DNAH12: variants seen among roughly 807,000 people sequenced by gnomAD.
DNAH12 encodes the protein dynein axonemal heavy chain 12.
DNAH12 carries 285 observed loss-of-function variants against 371.5 expected under a neutral mutation model. That is an observed-to-expected ratio of 0.77 (90% CI 0.70 to 0.85). The LOEUF is 0.85. Among genes scored for constraint, DNAH12 ranks in the 40% least tolerant of loss-of-function variants. The pLI is 0.00. For missense variants in DNAH12, 3,611 were observed against 3,689.4 expected (o/e 0.98, Z 0.55); for synonymous variants, 1,200 against 1,213.0 (o/e 0.99, Z 0.22).
rs1185384974 is a variant in DNAH12 at position 57,370,933 on chromosome 3, GA to G, written c.8760-2674del. On this transcript the variant is annotated intron_variant, in intron 55 of 73. Coordinates refer to ENST00000495027, the MANE Select transcript of DNAH12 (RefSeq NM_001366028.2). ...AAAAGGCTTAATGAAGTCACTGACA[GA>G]AAAATTTCAAGCCTATGCATAAAGA... Among the ~76,000 whole-genome samples the G allele has an allele frequency of 2.0e-5, 3 of 152,120 alleles. No individual in the cohort carries two copies. In the East Asian group the frequency reaches 5.8e-4, roughly 29 times the overall value.
At chr3:57,311,757 A>G (rs2061588760) in intron 66 of DNAH12, among the ~76,000 whole-genome samples, 1 of 152,240 alleles carries the variant, frequency 6.6e-6, no homozygotes, top group East Asian at 1.9e-4. Context: ...CTGGTTTAGG[A>G]GACTTTTCAC....
Position 57,301,716 on chromosome 3 carries a change from ACACACACACACAT to A in DNAH12, c.11394+6_11394+18del. The A allele has an allele frequency of 1.5e-6, 2 of 1,378,702 alleles. No individual in the cohort carries two copies. The highest frequency in any genetic ancestry group is 2.0e-6 in the Non-Finnish European group (2 of 1,004,578). The allele number at this position is 1,378,702 out of a possible 1,614,324, so 85.4% of individuals were successfully genotyped here. ...CACACACACACACACACACACACAC[ACACACACACACAT>A]TTTACCTGTAAAAAGTTCAACCGGG... On this transcript the variant is annotated splice_donor_region_variant and intron_variant, in intron 70 of 73. Coordinates refer to ENST00000495027, the MANE Select transcript of DNAH12 (RefSeq NM_001366028.2).
At chr3:57,494,581 A>G (rs1355550529) in intron 11 of DNAH12, among the ~76,000 whole-genome samples, 1 of 152,062 alleles carries the variant, frequency 6.6e-6, no homozygotes, top group Non-Finnish European at 1.5e-5. Flanking sequence ...AAAACAAAAC[A>G]TTGTACTAAA....
intron 70 of DNAH12, among the ~76,000 whole-genome samples, chr3:57,297,604 C>T (rs1190581690): frequency 6.6e-6 from 1 of 152,132 alleles, no homozygotes; most frequent in African/African-American, 2.4e-5. Context: ...GATCTGCCTA[C>T]CTTGGCCTCC....
the DNAH12 span, among the ~76,000 whole-genome samples, chr3:57,555,996 G>A: frequency 6.6e-6 from 1 of 152,216 alleles, no homozygotes; most frequent in Non-Finnish European, 1.5e-5. Context: ...TTCCAAGACA[G>A]GTGTCCACCT....
intron 13 of DNAH12, among the ~76,000 whole-genome samples, chr3:57,478,692 C>A (rs1461800366): frequency 6.6e-6 from 1 of 152,130 alleles, no homozygotes. Context: ...GGGTTACCAA[C>A]AAAGGGAAGC....
chr3:57,483,413 C>A lies in DNAH12; in HGVS notation c.1613G>T (p.Arg538Leu), dbSNP rs572992964. The A allele has an allele frequency of 2.6e-6, 4 of 1,550,866 alleles. No homozygotes were observed. The highest frequency in any genetic ancestry group is 3.5e-6 in the Non-Finnish European group (4 of 1,146,764). Residue 538 changes from arginine (R) to leucine (L), a missense_variant, in exon 13 of 74, where the codon CGG (arginine) becomes CTG (leucine). Around this residue, in one of 3 missense-constraint regions of DNAH12, gnomAD observed 1,314 missense variants for 1,398.7 expected, o/e 0.94. Coordinates refer to ENST00000495027, the MANE Select transcript of DNAH12 (RefSeq NM_001366028.2). Reference sequence around the variant, plus strand: ...AATCAACTCTTCGATTCCTACAGTCCGGGCTTTTTCTACATAAGATATCAG... The same window carrying A: ...AATCAACTCTTCGATTCCTACAGTCAGGGCTTTTTCTACATAAGATATCAG... ...MDLISYVEKA[R>L]TVGIEELILR... is the part of the protein sequence containing the mutation.
intron 33 of DNAH12, 113 bp downstream of exon 33, chr3:57,429,578 T>C: frequency 1.0e-6 from 1 of 955,044 alleles, no homozygotes; most frequent in South Asian, 1.7e-5. Context: ...CTTATTCATC[T>C]TTATATTCCT....
At chr3:57,308,714 CTT>C (rs1480467489) in intron 69 of DNAH12, among the ~76,000 whole-genome samples, 1 of 152,202 alleles carries the variant, frequency 6.6e-6, no homozygotes, top group Non-Finnish European at 1.5e-5. Flanking sequence ...ACTCTTAACT[CTT>C]AAAGTAAATA....
chr3:57,521,036 C>G (rs2068412028), intron 4 of DNAH12, among the ~76,000 whole-genome samples: 2 of 124,502 alleles, frequency 1.6e-5, no homozygotes, highest in African/African-American at 5.8e-5. Flanking sequence ...TGCACTCCAG[C>G]CTGGGCGACA....
At chr3:57,403,170 C>T (rs1433030253) in intron 43 of DNAH12, 139 bp downstream of exon 43, 2 of 838,990 alleles carry the variant, frequency 2.4e-6, no homozygotes, top group Non-Finnish European at 3.4e-6. Context: ...TCAACACACA[C>T]AGTAGATGCT....
At position 57,382,891 on chromosome 3, in the gene DNAH12, A is replaced by T. The variant is rs967533334; in HGVS notation, c.7861-498T>A. 1.4e-4 allele frequency among the ~76,000 whole-genome samples: 22 copies of T among 152,320 alleles called. No individual in the cohort carries two copies. In the South Asian group the frequency reaches 4.6e-3, roughly 32 times the overall value. ...TTACCCACTCCAATATATTTCTGACATTCCTTGCAAGATGCAAATGCTGGA... is the reference window on the plus strand; with the variant it reads ...TTACCCACTCCAATATATTTCTGACTTTCCTTGCAAGATGCAAATGCTGGA... On this transcript the variant is annotated intron_variant, in intron 49 of 73. Coordinates refer to ENST00000495027, the MANE Select transcript of DNAH12 (RefSeq NM_001366028.2).
At position 57,344,293 on chromosome 3, in the gene DNAH12, A is replaced by T. The variant is rs184245480; in HGVS notation, c.9674+7792T>A. On this transcript the variant is annotated intron_variant, in intron 60 of 73. Coordinates refer to ENST00000495027, the MANE Select transcript of DNAH12 (RefSeq NM_001366028.2). ...TATCATCAAAAAGCCAAAAAATACA[A>T]ATGCTGGTGAGGATGCAGAGAAAAG... is the stretch of plus-strand genomic sequence containing the variant. 1.3e-3 allele frequency among the ~76,000 whole-genome samples: 194 copies of T among 152,320 alleles called. 1 individual carries two copies. The highest frequency in any genetic ancestry group is 1.9e-3 in the Non-Finnish European group (128 of 68,022).
intron 58 of DNAH12, among the ~76,000 whole-genome samples, chr3:57,362,057 C>A (rs1489201740): frequency 6.6e-6 from 1 of 151,784 alleles, no homozygotes; most frequent in African/African-American, 2.4e-5. Context: ...TGTTCCCCAC[C>A]CTGTGTCCAA....
At position 57,341,069 on chromosome 3, in the gene DNAH12, G is replaced by A. The variant is rs184592413; in HGVS notation, c.9675-6129C>T. Among the ~76,000 whole-genome samples, 3 of 152,224 alleles carry A rather than the reference G, an allele frequency of 2.0e-5. No homozygotes were observed. In the East Asian group the frequency reaches 5.8e-4, roughly 29 times the overall value. On this transcript the variant is annotated intron_variant, in intron 60 of 73. Coordinates refer to ENST00000495027, the MANE Select transcript of DNAH12 (RefSeq NM_001366028.2). The stretch of plus-strand genomic sequence containing the variant: ...CTCAATAGATCCAGAAAAAGCGTTT[G>A]ATAAAATTCAATATCCCTCATAAAA...
At chr3:57,541,041 C>G (rs951060664) in intron 2 of DNAH12, among the ~76,000 whole-genome samples, 4 of 151,426 alleles carry the variant, frequency 2.6e-5, no homozygotes, top group East Asian at 1.9e-4. Flanking sequence ...ATCTCTCCCC[C>G]TCCCTTTTAT....
chr3:57,507,204 G>T (rs2067795520), intron 8 of DNAH12, among the ~76,000 whole-genome samples: 1 of 151,906 alleles, frequency 6.6e-6, no homozygotes, highest in African/African-American at 2.4e-5. Flanking sequence ...TTCCCTATTT[G>T]TCATTTAAAG....
intron 4 of DNAH12, chr3:57,520,045 T>G (rs9818773): frequency 3.1e-6 from 2 of 648,186 alleles, no homozygotes; most frequent in East Asian, 2.8e-5. Context: ...GACGTTGGGT[T>G]GGGGAAAGCC....
intron 53 of DNAH12, among the ~76,000 whole-genome samples, 176 bp downstream of exon 53, chr3:57,376,805 A>G (rs2063291348): frequency 1.3e-5 from 2 of 152,250 alleles, no homozygotes; most frequent in South Asian, 4.1e-4. Flanking sequence ...GCAATTTGTA[A>G]ACACCATCCT....
Sources: gnomAD v4.1 joint callset for allele counts (sites outside exome capture counted in the v4.1 genomes callset) on GRCh38, gnomAD v4.1.1 for gene constraint, gnomAD v4.1.1 regional missense constraint, MANE v1.5 for transcripts, NCBI Gene and HGNC (gene_info 2026-07-23, HGNC 2026-07-21) for gene names.